ERC2: variants seen among roughly 807,000 people sequenced by gnomAD.
The protein encoded by ERC2 is ERC protein 2.
ERC2 carries 42 observed loss-of-function variants against 114.8 expected under a neutral mutation model. The observed-to-expected ratio is 0.37, with a 90% CI of 0.29 to 0.47. The LOEUF is 0.47. Among genes scored for constraint, ERC2 ranks in the 20% least tolerant of loss-of-function variants. The probability of loss-of-function intolerance (pLI) is 0.99; values close to 1 mark genes in which losing one functional copy is unlikely to be tolerated. For synonymous variants in ERC2, 454 were observed against 425.5 expected, an observed-to-expected ratio of 1.07 and a Z score of -0.82; for missense variants, 939 against 1,150.7, an observed-to-expected ratio of 0.82 and a Z score of 2.66.
chr3:55,727,738 C>T (rs2065008374), intron 15 of ERC2, among the ~76,000 whole-genome samples: 1 of 152,284 alleles, frequency 6.6e-6, no homozygotes, highest in South Asian at 2.1e-4. Context: ...TAACAGCAAG[C>T]AATCTCTGCT....
intron 7 of ERC2, among the ~76,000 whole-genome samples, chr3:56,035,621 T>C (rs2149641125): frequency 6.6e-6 from 1 of 152,350 alleles, no homozygotes; most frequent in Admixed American, 6.5e-5. Context: ...TTTGGCCCTT[T>C]ATGCCTTTGT....
intron 17 of ERC2, among the ~76,000 whole-genome samples, chr3:55,594,274 G>T (rs949038412): frequency 6.6e-6 from 1 of 152,170 alleles, no homozygotes; most frequent in African/African-American, 2.4e-5. Flanking sequence ...TTAGGATGGA[G>T]ATAGATGGCA....
At chr3:55,955,726 T>C (rs1044039056) in intron 12 of ERC2, among the ~76,000 whole-genome samples, 1 of 152,236 alleles carries the variant, frequency 6.6e-6, no homozygotes, top group Non-Finnish European at 1.5e-5. Context: ...TTTTTGTGGA[T>C]ATATGCATTC....
intron 14 of ERC2, among the ~76,000 whole-genome samples, chr3:55,774,213 T>C (rs1400695678): frequency 6.6e-6 from 1 of 152,024 alleles, no homozygotes; most frequent in South Asian, 2.1e-4. Flanking sequence ...ACCACATAGT[T>C]CTTAGTGGTC....
At chr3:56,347,481 C>T (rs1446978237) in intron 2 of ERC2, among the ~76,000 whole-genome samples, 1 of 151,870 alleles carries the variant, frequency 6.6e-6, no homozygotes, top group African/African-American at 2.4e-5. Flanking sequence ...CCCCTGTGAG[C>T]GTGACCCAGC....
chr3:55,690,349 G>A (rs570495264), intron 16 of ERC2, among the ~76,000 whole-genome samples: 1 of 152,274 alleles, frequency 6.6e-6, no homozygotes, highest in Non-Finnish European at 1.5e-5. Flanking sequence ...AGAGGCAATG[G>A]TGTTTAGCAA....
chr3:56,087,612 T>G (rs1296015963), intron 6 of ERC2, among the ~76,000 whole-genome samples: 1 of 151,916 alleles, frequency 6.6e-6, no homozygotes, highest in Non-Finnish European at 1.5e-5. Context: ...AAAAAACACC[T>G]GAGGGAGAAA....
At chr3:55,764,864 G>C (rs535106842) in intron 14 of ERC2, among the ~76,000 whole-genome samples, 1 of 152,258 alleles carries the variant, frequency 6.6e-6, no homozygotes, top group South Asian at 2.1e-4. Flanking sequence ...GTAGCCTAAT[G>C]TGACTACGGG....
At chr3:56,301,722 A>T (rs1049311587) in intron 2 of ERC2, among the ~76,000 whole-genome samples, 14 of 152,174 alleles carry the variant, frequency 9.2e-5, no homozygotes, top group Admixed American at 3.9e-4. Context: ...AAATAAAAAA[A>T]AAAATTACCA....
At chr3:55,740,087 T>G in intron 14 of ERC2, among the ~76,000 whole-genome samples, 1 of 152,256 alleles carries the variant, frequency 6.6e-6, no homozygotes, top group Non-Finnish European at 1.5e-5. Flanking sequence ...TTATTTATCC[T>G]CTCATAATAC....
chr3:55,992,241 T>C lies in ERC2; in HGVS notation c.2071A>G (p.Ile691Val). ...GGGTTCATCCTGGAGTCATCTTCAA[T>C]ATTATGTGCCTTCAACATTACATTT... ...LEAQLKKAHNIEDDSRMNPEF... is the reference protein window; with the variant it reads ...LEAQLKKAHNVEDDSRMNPEF... Residue 691 changes from isoleucine (I) to valine (V), a missense_variant, in exon 11 of 18, where the codon ATT becomes GTT. Coordinates refer to ENST00000288221, the MANE Select transcript of ERC2 (RefSeq NM_015576.3). The C allele has an allele frequency of 6.2e-7, 1 of 1,613,058 alleles. No individual in the cohort carries two copies. Among genetic ancestry groups the C allele is most frequent in the Non-Finnish European group, 8.5e-7 (1 of 1,179,458 alleles).
chr3:55,702,165 G>A (rs2063256181), intron 15 of ERC2, among the ~76,000 whole-genome samples: 1 of 152,214 alleles, frequency 6.6e-6, no homozygotes, highest in Non-Finnish European at 1.5e-5. Flanking sequence ...CTGCTAAAAT[G>A]AGGTGTTGGA....
chr3:56,403,679 G>A (rs2060606525), intron 2 of ERC2, among the ~76,000 whole-genome samples: 2 of 152,168 alleles, frequency 1.3e-5, no homozygotes, highest in Non-Finnish European at 2.9e-5. Flanking sequence ...TAAAGTTTGA[G>A]AAGCACAGTA....
At chr3:55,665,967 A>G (rs1447292896) in intron 17 of ERC2, among the ~76,000 whole-genome samples, 6 of 152,058 alleles carry the variant, frequency 3.9e-5, no homozygotes, top group Non-Finnish European at 8.8e-5. Context: ...CTGAGTCCAG[A>G]CTCTGTTGCA....
At chr3:55,923,526 TA>T (rs147808085) in intron 13 of ERC2, among the ~76,000 whole-genome samples, 1,604 of 150,984 alleles carry the variant, frequency 0.011, 7 homozygotes, top group Non-Finnish European at 0.014. Context: ...TTTGCCACAA[TA>T]AAAAAAAAGT....
intron 13 of ERC2, among the ~76,000 whole-genome samples, chr3:55,904,239 T>C (rs541442965): frequency 1.3e-5 from 2 of 152,218 alleles, no homozygotes; most frequent in East Asian, 1.9e-4. Flanking sequence ...AGTTCCAAAA[T>C]GGATACAGAT....
At chr3:56,261,925 C>A in intron 3 of ERC2, among the ~76,000 whole-genome samples, 1 of 152,256 alleles carries the variant, frequency 6.6e-6, no homozygotes, top group South Asian at 2.1e-4. Context: ...CATGTGTTCT[C>A]ATCATTTAGT....
intron 2 of ERC2, among the ~76,000 whole-genome samples, chr3:56,419,486 T>C (rs966947929): frequency 8.5e-5 from 13 of 152,230 alleles, no homozygotes; most frequent in African/African-American, 3.1e-4. Flanking sequence ...TCCAGTATAT[T>C]GTATCTGAAT....
chr3:55,650,120 A>G (rs1002192287), intron 17 of ERC2, among the ~76,000 whole-genome samples: 5 of 152,174 alleles, frequency 3.3e-5, no homozygotes, highest in Non-Finnish European at 5.9e-5. Context: ...CTGGAAAGAG[A>G]AAGGCTTGTC....
Sources: gnomAD v4.1 joint callset for allele counts (sites outside exome capture counted in the v4.1 genomes callset) on GRCh38, gnomAD v4.1.1 for gene constraint, MANE v1.5 for transcripts, NCBI Gene and HGNC (gene_info 2026-07-23, HGNC 2026-07-21) for gene names.